Variants in RAB2A observed in about 807,000 individuals in gnomAD.
The protein encoded by RAB2A is RAB2A, member RAS oncogene family.
A neutral mutation model predicts 32.5 loss-of-function variants in RAB2A; 7 were observed. That is an observed-to-expected ratio of 0.22 (90% CI 0.12 to 0.40). The LOEUF (loss-of-function observed/expected upper bound fraction) is 0.40, where lower values mean the gene tolerates loss of function less well. Among genes scored for constraint, RAB2A ranks in the 10% least tolerant of loss-of-function variants. RAB2A has a pLI of 1.00. For missense variants in RAB2A, 108 were observed against 260.7 expected, an observed-to-expected ratio of 0.41 and a Z score of 4.03; for synonymous variants, 79 against 85.2, an observed-to-expected ratio of 0.93 and a Z score of 0.40.
chr8:60,606,042 A>G (rs1226194414), intron 6 of RAB2A, among the ~76,000 whole-genome samples: 2 of 151,986 alleles, frequency 1.3e-5, no homozygotes, highest in Non-Finnish European at 2.9e-5. Context: ...CCAGCTACTC[A>G]GGAGGCTGAG....
At chr8:60,592,762 A>G (rs545763347) in intron 6 of RAB2A, among the ~76,000 whole-genome samples, 1 of 152,308 alleles carries the variant, frequency 6.6e-6, no homozygotes, top group South Asian at 2.1e-4. Context: ...TATTATAAAT[A>G]GATGATTACG....
At chr8:60,555,081 TAC>T (rs762075992) in intron 1 of RAB2A, among the ~76,000 whole-genome samples, 2 of 152,238 alleles carry the variant, frequency 1.3e-5, no homozygotes, top group African/African-American at 2.4e-5. Flanking sequence ...TGTAGGCAGA[TAC>T]ATTATATAGA....
rs1458784674 is a variant in RAB2A, at chr8:60,591,971, TA to T, written c.474+5del. The T allele has an allele frequency of 1.3e-6, 2 of 1,545,944 alleles. No homozygotes were observed. Among genetic ancestry groups the T allele is most frequent in the South Asian group, 2.3e-5 (2 of 87,000 alleles). On this transcript the variant is annotated splice_donor_region_variant and intron_variant, in intron 6 of 7. Coordinates refer to ENST00000262646, the MANE Select transcript of RAB2A (RefSeq NM_002865.3). Reference sequence around the variant, plus strand: ...AAGACTGCTTCCAATGTAGAAGAGGTAAATAAGAGGCCCTTTAAAATCTTCA... The same window carrying T: ...AAGACTGCTTCCAATGTAGAAGAGGTAATAAGAGGCCCTTTAAAATCTTCA...
intron 4 of RAB2A, 130 bp from the exon 5 acceptor site, chr8:60,584,589 TGGTG>T (rs1803818478): frequency 1.4e-6 from 1 of 690,994 alleles, no homozygotes; most frequent in African/African-American, 1.8e-5. Flanking sequence ...AACCCAGATA[TGGTG>T]CTTAAAACTA....
chr8:60,547,166 A>T (rs547946873), intron 1 of RAB2A, among the ~76,000 whole-genome samples: 2 of 151,832 alleles, frequency 1.3e-5, no homozygotes, highest in East Asian at 1.9e-4. Flanking sequence ...TAATCCATTC[A>T]ACCCTGAGTG....
chr8:60,581,946 C>CTT (rs386412883), intron 3 of RAB2A, among the ~76,000 whole-genome samples: 33,421 of 140,240 alleles, frequency 0.24, 3,990 homozygotes, highest in Middle Eastern at 0.4. Flanking sequence ...GTTTTTCTTT[C>CTT]TTTTTTTTTT....
chr8:60,532,126 C>T (rs1332655384), intron 1 of RAB2A, among the ~76,000 whole-genome samples: 1 of 152,058 alleles, frequency 6.6e-6, no homozygotes, highest in East Asian at 1.9e-4. Context: ...CTTCTACACT[C>T]ACTCTTAGTA....
chr8:60,600,540 G>GC (rs2150432491), intron 6 of RAB2A, among the ~76,000 whole-genome samples: 1 of 152,286 alleles, frequency 6.6e-6, no homozygotes, highest in African/African-American at 2.4e-5. Flanking sequence ...CATCCTAGCT[G>GC]TTGCACCCCT....
intron 3 of RAB2A, among the ~76,000 whole-genome samples, chr8:60,579,848 C>T (rs1255054339): frequency 6.6e-6 from 1 of 151,738 alleles, no homozygotes; most frequent in Admixed American, 6.6e-5. Flanking sequence ...AGGATGGTCT[C>T]GATCTCTTGA....
rs897527655 is a variant in RAB2A, at chr8:60,532,051, C to T, written c.46+14798C>T. On this transcript the variant is annotated intron_variant, in intron 1 of 7. Transcript: ENST00000262646. ...AACTCCTGACCTCAGGTGATCCACT[C>T]GCCTTGGCCTCCCAAAGTGCTGGGA... Among the ~76,000 whole-genome samples the T allele has an allele frequency of 2.0e-5, 3 of 152,122 alleles. No individual in the cohort carries two copies. In the East Asian group the frequency reaches 5.8e-4, roughly 29 times the overall value.
At chr8:60,582,145 C>T (rs1011860706) in intron 3 of RAB2A, among the ~76,000 whole-genome samples, 3 of 151,800 alleles carry the variant, frequency 2.0e-5, no homozygotes, top group Non-Finnish European at 4.4e-5. Flanking sequence ...GATGGGGTCT[C>T]GCCATGTTAG....
intron 1 of RAB2A, among the ~76,000 whole-genome samples, chr8:60,523,214 G>C (rs1807327921): frequency 6.7e-6 from 1 of 149,158 alleles, no homozygotes; most frequent in Non-Finnish European, 1.5e-5. Context: ...CTGGAGTGCA[G>C]TGGCGCAATC....
At position 60,553,527 on chromosome 8, in the gene RAB2A, A is replaced by G. The variant is rs146217760; in HGVS notation, c.47-5325A>G. Among the ~76,000 whole-genome samples, 14 of 152,350 alleles carry G rather than the reference A, an allele frequency of 9.2e-5. No homozygotes were observed. In the East Asian group the frequency reaches 2.7e-3, roughly 29 times the overall value. On this transcript the variant is annotated intron_variant, in intron 1 of 7. Coordinates refer to ENST00000262646, the MANE Select transcript of RAB2A (RefSeq NM_002865.3). ...AGAAAAATGCATATATACTAAGTGT[A>G]TAGCTCAAATAATTGTTATAAACTG...
chr8:60,559,445 C>A (rs1407708690), intron 2 of RAB2A, among the ~76,000 whole-genome samples: 1 of 152,112 alleles, frequency 6.6e-6, no homozygotes, highest in Admixed American at 6.5e-5. Flanking sequence ...AGAAAAAATA[C>A]CACTGGGCAT....
Position 60,611,997 on chromosome 8 carries a change from C to T in RAB2A, c.475-6583C>T. 1.3e-5 allele frequency among the ~76,000 whole-genome samples: 2 copies of T among 152,162 alleles called. 1 individual carries two copies. The highest frequency in any genetic ancestry group is 2.9e-5 in the Non-Finnish European group (2 of 68,032). ...CTATTTTTTTTTAAGTTCTGGGATA[C>T]ATGTGCTGAACATACAGGTTTGTTC... On this transcript the variant is annotated intron_variant, in intron 6 of 7. Coordinates refer to ENST00000262646, the MANE Select transcript of RAB2A (RefSeq NM_002865.3).
intron 5 of RAB2A, among the ~76,000 whole-genome samples, chr8:60,587,109 T>C (rs1803864440): frequency 6.6e-6 from 1 of 152,170 alleles, no homozygotes; most frequent in South Asian, 2.1e-4. Flanking sequence ...TTTACTATTC[T>C]ACAAATTTTA....
At chr8:60,537,931 C>T (rs889968340) in intron 1 of RAB2A, among the ~76,000 whole-genome samples, 1 of 152,174 alleles carries the variant, frequency 6.6e-6, no homozygotes, top group African/African-American at 2.4e-5. Flanking sequence ...CCTCCCACCT[C>T]AGCCTCCCAG....
chr8:60,549,045 G>A (rs1453264644), intron 1 of RAB2A, among the ~76,000 whole-genome samples: 30 of 151,286 alleles, frequency 2.0e-4, no homozygotes, highest in African/African-American at 6.8e-4. Flanking sequence ...GACGATGGGC[G>A]GCCGGGCAGA....
chr8:60,561,247 A>G (rs1445663465), intron 2 of RAB2A, among the ~76,000 whole-genome samples: 1 of 152,188 alleles, frequency 6.6e-6, no homozygotes, highest in Non-Finnish European at 1.5e-5. Context: ...TAAATTCCCT[A>G]TGCCCTATGT....
Sources: gnomAD v4.1 joint callset for allele counts (sites outside exome capture counted in the v4.1 genomes callset) on GRCh38, gnomAD v4.1.1 for gene constraint, MANE v1.5 for transcripts, NCBI Gene and HGNC (gene_info 2026-07-23, HGNC 2026-07-21) for gene names.